Variants in ZNF334 observed in about 807,000 individuals in gnomAD.
The protein encoded by ZNF334 is zinc finger protein 334.
In ZNF334, 14 loss-of-function variants were observed where a neutral mutation model predicts 12.4. The ratio of observed to expected loss-of-function variants is 1.13; its 90% CI spans 0.74 to 1.76. The LOEUF is 1.76. Ranked by LOEUF, ZNF334 falls within the 40% of genes most tolerant of loss-of-function variation. The pLI is 0.00. For missense variants in ZNF334, 797 were observed against 804.5 expected (o/e 0.99, Z 0.11); for synonymous variants, 273 against 269.6 (o/e 1.01, Z -0.12).
intron 2 of ZNF334, among the ~76,000 whole-genome samples, chr20:46,510,890 T>C (rs1410041284): frequency 6.6e-6 from 1 of 151,996 alleles, no homozygotes; most frequent in Non-Finnish European, 1.5e-5. Context: ...ATGTTGGATA[T>C]GAGGACTCCA....
chr20:46,476,377 T>C, the ZNF334 span: 1 of 152,154 alleles, frequency 6.6e-6, no homozygotes, highest in African/African-American at 2.4e-5. Flanking sequence ...GATAAAACTG[T>C]ATAGAATTAA....
the ZNF334 span, among the ~76,000 whole-genome samples, chr20:46,471,626 G>A: frequency 6.6e-6 from 1 of 151,278 alleles, no homozygotes; most frequent in Non-Finnish European, 1.5e-5. Context: ...ATTTATTTAA[G>A]TATACGGTGA....
At chr20:46,510,173 C>T (rs2061592295) in intron 2 of ZNF334, among the ~76,000 whole-genome samples, 1 of 152,094 alleles carries the variant, frequency 6.6e-6, no homozygotes, top group Admixed American at 6.6e-5. Context: ...CGTGGAACCT[C>T]TTAAGTCATT....
chr20:46,493,572 T>A, the ZNF334 span, among the ~76,000 whole-genome samples: 1 of 152,074 alleles, frequency 6.6e-6, no homozygotes, highest in Admixed American at 6.6e-5. Flanking sequence ...TCACTTGAGG[T>A]CAAGAGTTTG....
intron 2 of ZNF334, among the ~76,000 whole-genome samples, chr20:46,510,847 C>A (rs895043407): frequency 1.3e-5 from 2 of 151,298 alleles, no homozygotes; most frequent in African/African-American, 4.9e-5. Context: ...AAAGAAGCAG[C>A]AGCACATTGA....
chr20:46,487,948 T>A, the ZNF334 span, among the ~76,000 whole-genome samples: 1 of 152,138 alleles, frequency 6.6e-6, no homozygotes, highest in East Asian at 1.9e-4. Context: ...GTCTGGGTGA[T>A]CTTTTTGGTG....
At chr20:46,496,679 A>C (rs1459806781), downstream of ZNF334, 1 of 152,242 alleles carries the variant, frequency 6.6e-6, no homozygotes, top group Non-Finnish European at 1.5e-5. Context: ...TTTTATGCTT[A>C]GCAAGGCTTC....
At chr20:46,506,129 G>C (rs2061422021) in intron 2 of ZNF334, 2 of 388,912 alleles carry the variant, frequency 5.1e-6, no homozygotes, top group African/African-American at 4.1e-5. Context: ...TGAAGTGTCT[G>C]TTGAGTAAAG....
intron 2 of ZNF334, among the ~76,000 whole-genome samples, chr20:46,508,662 A>G (rs1195377901): frequency 6.6e-6 from 1 of 152,170 alleles, no homozygotes; most frequent in African/African-American, 2.4e-5. Context: ...TTTGCCTGTC[A>G]GGGTTCTGTG....
chr20:46,490,484 A>G, the ZNF334 span, among the ~76,000 whole-genome samples: 5 of 152,244 alleles, frequency 3.3e-5, no homozygotes, highest in African/African-American at 1.2e-4. Context: ...AATGGAAACA[A>G]AACTTTAATC....
chr20:46,474,339 C>T, the ZNF334 span, among the ~76,000 whole-genome samples: 1 of 150,674 alleles, frequency 6.6e-6, no homozygotes, highest in African/African-American at 2.4e-5. Flanking sequence ...AAGACCATGC[C>T]ACTGCATTCC....
Position 46,503,167 on chromosome 20 carries a change from T to C in ZNF334, c.242-70A>G, listed in dbSNP as rs1568863305. On this transcript the variant is annotated intron_variant, in intron 4 of 4. Transcript: ENST00000692313. Reference sequence around the variant, plus strand: ...TGTTTGCTATGAAATGAGAATTCCTTAGAAATGCATTGTTTTAGGGGTTAG... The same window carrying C: ...TGTTTGCTATGAAATGAGAATTCCTCAGAAATGCATTGTTTTAGGGGTTAG... The C allele has an allele frequency of 3.8e-5, 56 of 1,482,504 alleles. 2 individuals carry two copies. The South Asian group carries it at 7.9e-4, about 21-fold the overall frequency. The allele number at this position is 1,482,504 out of a possible 1,614,324, so 91.8% of individuals were successfully genotyped here.
In ZNF334 at chr20:46,501,420, A is replaced by G. The variant is rs139895996; in HGVS notation, c.1919T>C (p.Leu640Pro). 4.3e-6 allele frequency: 7 copies of G among 1,613,398 alleles called. No homozygotes were observed. In the African/African-American group the frequency reaches 9.4e-5, roughly 22 times the overall value. The stretch of plus-strand genomic sequence containing the variant: ...TTTCTGATGTTCAGTGAGAGTCCAC[A>G]GGCGACGGTAGGTTTTCCCACATTG... ...CNQCGKTYRR[L>P]WTLTEHQKIH... The change falls in exon 5 of 5, where the codon CTG (leucine) becomes CCG (proline). Residue 640 changes from leucine to proline, a missense_variant. Coordinates refer to ENST00000692313, the MANE Select transcript of ZNF334 (RefSeq NM_001353824.2).
At chr20:46,467,895 T>TA in the ZNF334 span, among the ~76,000 whole-genome samples, 4 of 152,338 alleles carry the variant, frequency 2.6e-5, no homozygotes, top group African/African-American at 9.6e-5. Context: ...AGGACACTAG[T>TA]AGTCATGGAT....
chr20:46,512,118 G>T lies in ZNF334; in HGVS notation c.-16C>A, dbSNP rs151002050. 2.5e-6 allele frequency: 4 copies of T among 1,613,632 alleles called. No homozygotes were observed. The East Asian group carries it at 8.9e-5, about 36-fold the overall frequency. The stretch of plus-strand genomic sequence containing the variant: ...TCATTTTCATGTTCTCTTGAGAAAG[G>T]GCCAAGAGTGTTGAAAGCAGAGCTG... On this transcript the variant is annotated 5_prime_UTR_variant, in exon 2 of 5. Coordinates refer to ENST00000692313, the MANE Select transcript of ZNF334 (RefSeq NM_001353824.2).
chr20:46,504,110 C>A, intron 4 of ZNF334, 104 bp downstream of exon 4: 3 of 749,170 alleles, frequency 4.0e-6, no homozygotes, highest in Non-Finnish European at 4.2e-6. Flanking sequence ...TCTGGGCCAA[C>A]AAAAAGAAAT....
chr20:46,501,247 T>G lies in ZNF334; in HGVS notation c.*49A>C, dbSNP rs906587788. 3 of 1,571,532 alleles carry G rather than the reference T, an allele frequency of 1.9e-6. No homozygotes were observed. The highest frequency in any genetic ancestry group is 2.6e-6 in the Non-Finnish European group (3 of 1,160,280). On this transcript the variant is annotated 3_prime_UTR_variant, in exon 5 of 5. Transcript: ENST00000692313. Reference sequence around the variant, plus strand: ...TACATACTCACAGTTTAGCATTGTGTAAGTTATTTGATTTGTTGCTTTGTT... The same window carrying G: ...TACATACTCACAGTTTAGCATTGTGGAAGTTATTTGATTTGTTGCTTTGTT...
At position 46,504,743 on chromosome 20, in the gene ZNF334, G is replaced by A; in HGVS notation, c.22-3C>T. 2.5e-6 allele frequency: 4 copies of A among 1,597,702 alleles called. No homozygotes were observed. Among genetic ancestry groups the A allele is most frequent in the Non-Finnish European group, 3.4e-6 (4 of 1,174,212 alleles). On this transcript the variant is annotated splice_polypyrimidine_tract_variant and splice_region_variant and intron_variant, in intron 2 of 4. Coordinates refer to ENST00000692313, the MANE Select transcript of ZNF334 (RefSeq NM_001353824.2). Reference sequence around the variant, plus strand: ...AGGTCCTGGAATGAAACTGGTATCTGAAAGAAAATGTTTAATCTTGGGTGA... The same window carrying A: ...AGGTCCTGGAATGAAACTGGTATCTAAAAGAAAATGTTTAATCTTGGGTGA...
At position 46,502,142 on chromosome 20, in the gene ZNF334, G is replaced by A. The variant is rs952127293; in HGVS notation, c.1197C>T (p.His399=). 1 of 1,614,156 alleles carries A rather than the reference G, an allele frequency of 6.2e-7. No individual in the cohort carries two copies. The stretch of plus-strand genomic sequence containing the variant: ...TACATTCATAGGGTTTTTCCCCTGT[G>A]TGAATTCTCTGATGCGCAGTAAGGG... ...QSALTAHQRI[H]TGEKPYECSE... is the part of the protein sequence containing the mutation. Residue 399 remains histidine, a synonymous_variant, in exon 5 of 5, where the codon CAC becomes CAT. Transcript: ENST00000692313.
Sources: allele counts gnomAD v4.1 joint callset (sites outside exome capture counted in the v4.1 genomes callset), GRCh38; gene constraint gnomAD v4.1.1; transcripts MANE v1.5; gene names NCBI Gene and HGNC (gene_info 2026-07-23, HGNC 2026-07-21).